SOX6: variants seen among roughly 807,000 people sequenced by gnomAD.
SOX6 encodes SRY-box transcription factor 6.
SOX6 carries 11 observed loss-of-function variants against 97.8 expected under a neutral mutation model. That is an observed-to-expected ratio of 0.11 (90% CI 0.07 to 0.19). SOX6 has a LOEUF of 0.19. Among genes scored for constraint, SOX6 ranks in the 10% least tolerant of loss-of-function variants. SOX6 has a pLI of 1.00. For synonymous variants in SOX6, 360 were observed against 371.4 expected (o/e 0.97, Z 0.35); for missense variants, 810 against 1,039.5 (o/e 0.78, Z 3.04).
chr11:16,539,889 T>A (rs1343067095), intron 4 of SOX6, among the ~76,000 whole-genome samples: 1 of 151,994 alleles, frequency 6.6e-6, no homozygotes, highest in Non-Finnish European at 1.5e-5. Context: ...CTACCAGAGG[T>A]ACAAAGAGGA....
At chr11:16,216,129 G>A (rs985916309) in intron 4 of SOX6, among the ~76,000 whole-genome samples, 1 of 152,200 alleles carries the variant, frequency 6.6e-6, no homozygotes, top group African/African-American at 2.4e-5. Context: ...GCACTGGTTT[G>A]AGGATTAAGT....
At chr11:16,064,852 A>G (rs1017923187) in intron 9 of SOX6, among the ~76,000 whole-genome samples, 4 of 151,966 alleles carry the variant, frequency 2.6e-5, no homozygotes, top group Admixed American at 2.6e-4. Flanking sequence ...AACTGGGGAT[A>G]GAAGGAATAT....
At chr11:16,266,972 G>C (rs1854099673) in intron 3 of SOX6, among the ~76,000 whole-genome samples, 2 of 143,800 alleles carry the variant, frequency 1.4e-5, no homozygotes, top group Admixed American at 1.4e-4. Flanking sequence ...ATGGAGCTGG[G>C]AAAACTGGAT....
intron 3 of SOX6, chr11:16,645,847 C>T (rs866088313): frequency 6.6e-6 from 1 of 152,152 alleles, no homozygotes; most frequent in Non-Finnish European, 1.5e-5. Context: ...TTGTTTTAAA[C>T]CATCCAGTTT....
intron 1 of SOX6, among the ~76,000 whole-genome samples, chr11:16,466,052 G>T (rs114624518): frequency 0.024 from 3,576 of 152,136 alleles, 130 homozygotes; most frequent in African/African-American, 0.082. Context: ...ATTCTCTTTT[G>T]CCAGTTATCT....
intron 7 of SOX6, among the ~76,000 whole-genome samples, chr11:16,107,567 A>G (rs1456996848): frequency 6.6e-6 from 1 of 151,552 alleles, no homozygotes; most frequent in East Asian, 1.9e-4. Context: ...TTCCAATTAT[A>G]TGAAGTACCT....
intron 1 of SOX6, among the ~76,000 whole-genome samples, chr11:16,443,747 G>T (rs1445735225): frequency 1.3e-5 from 2 of 152,052 alleles, no homozygotes; most frequent in African/African-American, 4.8e-5. Flanking sequence ...GGGCACGGTG[G>T]ATCATGCCTG....
intron 1 of SOX6, among the ~76,000 whole-genome samples, chr11:16,391,627 C>T (rs907870418): frequency 6.6e-6 from 1 of 151,752 alleles, no homozygotes; most frequent in Non-Finnish European, 1.5e-5. Context: ...TCAGTCAACA[C>T]CTTCAACAGC....
intron 4 of SOX6, among the ~76,000 whole-genome samples, chr11:16,572,778 A>AT (rs1281561229): frequency 6.6e-6 from 1 of 152,140 alleles, no homozygotes; most frequent in Admixed American, 6.5e-5. Flanking sequence ...ACAAAAGGCT[A>AT]TTTTTTCCTT....
rs758615770 is a variant in SOX6 at position 15,972,948 on chromosome 11, T to C, written c.2348A>G (p.Lys783Arg). Residue 783 changes from lysine to arginine, a missense_variant, in exon 16 of 16, where the codon AAG becomes AGG. By Grantham distance (26) the Lys-to-Arg change is conservative. Around this residue, in one of 9 missense-constraint regions of SOX6, gnomAD observed 122 missense variants for 153.4 expected, o/e 0.80. Transcript: ENST00000683767. ...TCCAGCTAGGCTTCCGCCATCTGTC[T>C]TCATACCATAAGTGCTCTGGATGAC... ...LPVIQSTYGM[K>R]TDGGSLAGNE... 6.2e-7 allele frequency: 1 copy of C among 1,614,226 alleles called. No individual in the cohort carries two copies. The highest frequency in any genetic ancestry group is 2.2e-5 in the East Asian group (1 of 44,890).
chr11:16,486,329 T>C (rs77984915), intron 4 of SOX6, among the ~76,000 whole-genome samples: 3,028 of 152,272 alleles, frequency 0.02, 80 homozygotes, highest in African/African-American at 0.06. Flanking sequence ...TCTCCTTTAT[T>C]CCTTCATGCC....
intron 4 of SOX6, among the ~76,000 whole-genome samples, chr11:16,232,430 A>C (rs1260813887): frequency 6.6e-6 from 1 of 152,050 alleles, no homozygotes; most frequent in East Asian, 1.9e-4. Flanking sequence ...TAACACACAA[A>C]TGAAAGTTCA....
At position 16,049,954 on chromosome 11, in the gene SOX6, G is replaced by A. The variant is rs778231003; in HGVS notation, c.1252-16C>T. 11 of 1,612,366 alleles carry A rather than the reference G, an allele frequency of 6.8e-6. No individual in the cohort carries two copies. The highest frequency in any genetic ancestry group is 5.5e-5 in the South Asian group (5 of 91,050). ...CTGCTTCATCCTACAAGAGTTTAAC[G>A]TAAATAATTATTTTTACAAAAGACA... On this transcript the variant is annotated splice_polypyrimidine_tract_variant and intron_variant, in intron 10 of 15. Coordinates refer to ENST00000683767, the MANE Select transcript of SOX6 (RefSeq NM_001367873.1).
chr11:16,093,763 G>A (rs1848739300), intron 9 of SOX6, among the ~76,000 whole-genome samples: 1 of 151,878 alleles, frequency 6.6e-6, no homozygotes, highest in African/African-American at 2.4e-5. Context: ...GAGGGGAGAA[G>A]ACCCTAGCTA....
chr11:16,515,765 T>A (rs1217071130), intron 4 of SOX6, among the ~76,000 whole-genome samples: 1 of 129,374 alleles, frequency 7.7e-6, no homozygotes, highest in African/African-American at 2.9e-5. Flanking sequence ...TTTCTACATA[T>A]GGCTAGCCAG....
intron 13 of SOX6, among the ~76,000 whole-genome samples, chr11:15,995,240 T>C (rs2119841240): frequency 6.6e-6 from 1 of 152,234 alleles, no homozygotes; most frequent in Non-Finnish European, 1.5e-5. Flanking sequence ...TAGAAAGAAT[T>C]CATAAACACC....
At chr11:15,986,664 T>G (rs1209745495) in intron 14 of SOX6, among the ~76,000 whole-genome samples, 1 of 152,216 alleles carries the variant, frequency 6.6e-6, no homozygotes, top group Admixed American at 6.5e-5. Context: ...TATTTTAAAA[T>G]ATATCTTTGC....
In SOX6 at chr11:15,970,800, C is replaced by T. The variant is rs936022072; in HGVS notation, c.*2009G>A. ...TATTTTCTTCCAAGTGACAAAATGG[C>T]TCAAGAAATCTGATGGGGCCATTCC... On this transcript the variant is annotated 3_prime_UTR_variant, in exon 16 of 16. Coordinates refer to ENST00000683767, the MANE Select transcript of SOX6 (RefSeq NM_001367873.1). 2.6e-5 allele frequency: 4 copies of T among 152,750 alleles called. No homozygotes were observed. The highest frequency in any genetic ancestry group is 3.4e-3 in the Middle Eastern group (1 of 296). 9.5% of individuals were successfully genotyped at this position (152,750 alleles called of 1,614,324 possible).
intron 7 of SOX6, among the ~76,000 whole-genome samples, chr11:16,100,686 A>G (rs1047150893): frequency 5.9e-5 from 9 of 151,442 alleles, no homozygotes; most frequent in African/African-American, 2.2e-4. Flanking sequence ...CCTACAACCC[A>G]TTAGATTCAG....
Sources: gnomAD v4.1 joint callset for allele counts (sites outside exome capture counted in the v4.1 genomes callset) on GRCh38, gnomAD v4.1.1 for gene constraint, gnomAD v4.1.1 regional missense constraint, MANE v1.5 for transcripts, NCBI Gene and HGNC (gene_info 2026-07-23, HGNC 2026-07-21) for gene names.